Variants in SGSM3 observed in about 807,000 individuals in gnomAD.
The protein encoded by SGSM3 is small G protein signaling modulator 3, also known as RUN and SH3 containing 3.
A neutral mutation model predicts 100.5 loss-of-function variants in SGSM3; 96 were observed. That is an observed-to-expected ratio of 0.96 (90% CI 0.81 to 1.13). The LOEUF is 1.13. Ranked by LOEUF, SGSM3 falls within the 50% of genes most tolerant of loss-of-function variation. SGSM3 has a pLI of 0.00. For missense variants in SGSM3, 1,001 were observed against 1,015.8 expected (o/e 0.99, Z 0.20); for synonymous variants, 483 against 422.8 (o/e 1.14, Z -1.75).
At position 40,407,837 on chromosome 22, in the gene SGSM3, C is replaced by G; in HGVS notation, c.1573C>G (p.Leu525Val). Residue 525 changes from leucine (L) to valine (V), a missense_variant, in exon 14 of 22, where the codon CTG becomes GTG. Coordinates refer to ENST00000248929, the MANE Select transcript of SGSM3 (RefSeq NM_015705.6). This position sits in a 1 kb window ranked among gnomAD's most constrained non-coding sequence, Gnocchi z 4.7. Reference sequence around the variant, plus strand: ...CTGCTGGGTGGGGGAGCTCAACGGCCTGCGAGGTGGGGTCCTTGGTCTGCT... The same window carrying G: ...CTGCTGGGTGGGGGAGCTCAACGGCGTGCGAGGTGGGGTCCTTGGTCTGCT... ...EHCWVGELNG[L>V]RGWFPAKFVE... 6.2e-7 allele frequency: 1 copy of G among 1,612,006 alleles called. No individual in the cohort carries two copies. Among genetic ancestry groups the G allele is most frequent in the Non-Finnish European group, 8.5e-7 (1 of 1,178,938 alleles).
intron 1 of SGSM3, among the ~76,000 whole-genome samples, chr22:40,400,120 A>G (rs1421841763): frequency 6.6e-6 from 1 of 152,250 alleles, no homozygotes; most frequent in Non-Finnish European, 1.5e-5. Context: ...CATGGCAGAT[A>G]GCATGGAGAA....
At chr22:40,373,914 T>C (rs2046055237) in intron 1 of SGSM3, among the ~76,000 whole-genome samples, 1 of 148,676 alleles carries the variant, frequency 6.7e-6, no homozygotes. Context: ...ACACCTGGCC[T>C]GATAGGGTGG....
chr22:40,389,469 G>A (rs1177930937), intron 1 of SGSM3, among the ~76,000 whole-genome samples: 1 of 151,054 alleles, frequency 6.6e-6, no homozygotes, highest in Non-Finnish European at 1.5e-5. Context: ...CGTGGTGGCG[G>A]GCGCCTGTAG....
intron 1 of SGSM3, among the ~76,000 whole-genome samples, chr22:40,375,180 G>A (rs535202804): frequency 6.6e-6 from 1 of 152,250 alleles, no homozygotes; most frequent in East Asian, 1.9e-4. Context: ...TGTGATACAT[G>A]TTTTGTATTT....
At chr22:40,382,498 G>A (rs568276567) in intron 1 of SGSM3, among the ~76,000 whole-genome samples, 10 of 152,246 alleles carry the variant, frequency 6.6e-5, no homozygotes, top group Admixed American at 6.5e-4. Context: ...ACCTCTCCAT[G>A]TTACCTTACC....
Position 40,410,141 on chromosome 22 carries a change from C to T in SGSM3, c.*382C>T, listed in dbSNP as rs141527146. Reference sequence around the variant, plus strand: ...CCTGTCTTCTGTGCAGCTAGGGCTGCAGAGCTGTATTCAGGTCCAAGGTTC... The same window carrying T: ...CCTGTCTTCTGTGCAGCTAGGGCTGTAGAGCTGTATTCAGGTCCAAGGTTC... On this transcript the variant is annotated 3_prime_UTR_variant, in exon 22 of 22. Coordinates refer to ENST00000248929, the MANE Select transcript of SGSM3 (RefSeq NM_015705.6). 1.2e-5 allele frequency: 14 copies of T among 1,122,714 alleles called. No individual in the cohort carries two copies. Among genetic ancestry groups the T allele is most frequent in the Middle Eastern group, 3.7e-4 (1 of 2,720 alleles). The allele number at this position is 1,122,714 out of a possible 1,614,324, so 69.5% of individuals were successfully genotyped here.
intron 1 of SGSM3, chr22:40,388,343 G>A (rs1569162747): frequency 6.6e-6 from 1 of 152,238 alleles, no homozygotes; most frequent in Non-Finnish European, 1.5e-5. Flanking sequence ...TAGGGTCCAG[G>A]TTTCAAGGCT....
At chr22:40,382,711 A>C (rs1383067090) in intron 1 of SGSM3, among the ~76,000 whole-genome samples, 1 of 152,242 alleles carries the variant, frequency 6.6e-6, no homozygotes, top group Non-Finnish European at 1.5e-5. Context: ...AAGTTTCGTC[A>C]CATTTGAAGA....
chr22:40,379,099 C>A (rs1247460238), intron 1 of SGSM3, among the ~76,000 whole-genome samples: 2 of 152,206 alleles, frequency 1.3e-5, no homozygotes, highest in Non-Finnish European at 2.9e-5. Flanking sequence ...CACTATTCAT[C>A]TGACATACAG....
intron 1 of SGSM3, among the ~76,000 whole-genome samples, chr22:40,376,669 C>G (rs1342454209): frequency 6.6e-6 from 1 of 152,048 alleles, no homozygotes; most frequent in Non-Finnish European, 1.5e-5. Context: ...TGCCCATTTA[C>G]AGGTGAGACA....
At chr22:40,405,336 C>T in intron 7 of SGSM3, 52 bp downstream of exon 7, 3 of 1,428,046 alleles carry the variant, frequency 2.1e-6, no homozygotes, top group Non-Finnish European at 2.8e-6. Flanking sequence ...CCCTCCAGGA[C>T]CCTAACAAGG....
chr22:40,408,821 C>T lies in SGSM3; in HGVS notation c.1881C>T (p.Thr627=), dbSNP rs190612662. 1.9e-6 allele frequency: 3 copies of T among 1,613,746 alleles called. No homozygotes were observed. The South Asian group carries it at 3.3e-5, about 18-fold the overall frequency. ...FRLDEDGKVL[T]PEELLYRAVQ... Reference sequence around the variant, plus strand: ...TGGATGAAGATGGCAAAGTCCTGACCCCGGAGGAGCTGCTCTACCGGGTAA... The same window carrying T: ...TGGATGAAGATGGCAAAGTCCTGACTCCGGAGGAGCTGCTCTACCGGGTAA... Residue 627 remains threonine (T), a synonymous_variant, in exon 18 of 22, where the codon ACC becomes ACT. Transcript: ENST00000248929.
rs764992652 is a variant in SGSM3, at chr22:40,405,796, G to A, written c.766G>A (p.Val256Ile). Residue 256 changes from valine to isoleucine, a missense_variant, in exon 8 of 22, where the codon GTC (valine) becomes ATC (isoleucine). By Grantham distance (29) the Val-to-Ile change is conservative. Coordinates refer to ENST00000248929, the MANE Select transcript of SGSM3 (RefSeq NM_015705.6). The part of the protein sequence containing the change: ...TDQRVLRHLI[V>I]QYLPRLDKLL... ...CCAGCGGGTCCTGCGCCACCTCATT[G>A]TCCAGTACCTGCCTCGCCTGGACAA... 1 of 1,613,546 alleles carries A rather than the reference G, an allele frequency of 6.2e-7. No individual in the cohort carries two copies. Among genetic ancestry groups the A allele is most frequent in the South Asian group, 1.1e-5 (1 of 91,078 alleles).
chr22:40,391,018 C>CA (rs2049288118), intron 1 of SGSM3, among the ~76,000 whole-genome samples: 1 of 152,114 alleles, frequency 6.6e-6, no homozygotes, highest in African/African-American at 2.4e-5. Flanking sequence ...TCAACAGCAG[C>CA]ATGTACAATG....
At chr22:40,409,565 C>G (rs74371979) in intron 21 of SGSM3, 40 bp downstream of exon 21, 23,098 of 1,612,294 alleles carry the variant, frequency 0.014, 239 homozygotes, top group Middle Eastern at 0.057. Context: ...ACTGATGGAG[C>G]TGCCCAAACC....
At chr22:40,393,112 G>A (rs991849245) in intron 1 of SGSM3, among the ~76,000 whole-genome samples, 22 of 152,076 alleles carry the variant, frequency 1.4e-4, no homozygotes, top group African/African-American at 5.3e-4. Context: ...CTCACCTTTT[G>A]ACTATTTTAC....
chr22:40,407,167 G>A lies in SGSM3; in HGVS notation c.1241-34G>A. The A allele has an allele frequency of 6.2e-7, 1 of 1,613,066 alleles. No homozygotes were observed. The highest frequency in any genetic ancestry group is 8.5e-7 in the Non-Finnish European group (1 of 1,179,530). ...GCTTCCTCCTCGGGGGCCTGGAGTG[G>A]GCTGTGGTCACCATGGTTCTCTGGG... is the stretch of plus-strand genomic sequence containing the variant. On this transcript the variant is annotated intron_variant, in intron 11 of 21. Transcript: ENST00000248929. The surrounding 1 kb of genome is among the most constrained non-coding windows in gnomAD (Gnocchi z 4.7).
chr22:40,406,544 G>C lies in SGSM3; in HGVS notation c.1067G>C (p.Arg356Pro). Residue 356 changes from arginine (R) to proline (P), a missense_variant, in exon 10 of 22, where the codon CGG (arginine) becomes CCG (proline). Physicochemically the swap from Arg to Pro is moderately radical, Grantham distance 103. Coordinates refer to ENST00000248929, the MANE Select transcript of SGSM3 (RefSeq NM_015705.6). ...GAGCTGCTTCTGGGGGTGGCCATGC[G>C]GCTGGCCGGCTCCCTCACCGATGTG... is the stretch of plus-strand genomic sequence containing the variant. ...DAELLLGVAM[R>P]LAGSLTDVAV... is the part of the protein sequence containing the mutation. The C allele has an allele frequency of 1.2e-6, 2 of 1,612,984 alleles. No homozygotes were observed. Among genetic ancestry groups the C allele is most frequent in the South Asian group, 2.2e-5 (2 of 91,052 alleles).
chr22:40,407,960 G>A lies in SGSM3; in HGVS notation c.1580-111G>A, dbSNP rs748224290. ...CCTCTATACACCTGCCTGGCTTGAGGTCCCTGAAGCAGCTGAGCCGGCTTC... is the reference window on the plus strand; with the variant it reads ...CCTCTATACACCTGCCTGGCTTGAGATCCCTGAAGCAGCTGAGCCGGCTTC... On this transcript the variant is annotated intron_variant, in intron 14 of 21. Transcript: ENST00000248929. This position sits in a 1 kb window ranked among gnomAD's most constrained non-coding sequence, Gnocchi z 4.7. The A allele has an allele frequency of 1.4e-5, 20 of 1,459,512 alleles. No individual in the cohort carries two copies. In the African/African-American group the frequency reaches 2.2e-4, roughly 16 times the overall value. 90.4% of individuals were successfully genotyped at this position (1,459,512 alleles called of 1,614,324 possible).
Sources: gnomAD v4.1 joint callset for allele counts (sites outside exome capture counted in the v4.1 genomes callset) on GRCh38, gnomAD v4.1.1 for gene constraint, Gnocchi (gnomAD v3.1) non-coding constraint, MANE v1.5 for transcripts, NCBI Gene and HGNC (gene_info 2026-07-23, HGNC 2026-07-21) for gene names.